Variants in KDM6A observed in about 807,000 individuals in gnomAD.
KDM6A encodes lysine demethylase 6A.
In KDM6A, 11 loss-of-function variants were observed where a neutral mutation model predicts 117.6. The ratio of observed to expected loss-of-function variants is 0.09; its 90% confidence interval spans 0.06 to 0.15. The LOEUF is 0.15. KDM6A is among the 10% of genes least tolerant of loss of function. KDM6A has a pLI of 1.00. For synonymous variants in KDM6A, 384 were observed against 396.1 expected (o/e 0.97, Z 0.36); for missense variants, 799 against 1,077.3 (o/e 0.74, Z 3.62).
intron 2 of KDM6A, among the ~76,000 whole-genome samples, chrX:44,954,070 AT>A (rs1421209243): frequency 8.5e-5 from 9 of 105,741 alleles, no homozygotes; most frequent in African/African-American, 2.0e-4. Flanking sequence ...AAAAAAAAAA[AT>A]AATAATAATA....
chrX:45,032,625 A>G (rs1285375255), intron 6 of KDM6A, among the ~76,000 whole-genome samples: 1 of 110,895 alleles, frequency 9.0e-6, no homozygotes, highest in Non-Finnish European at 1.9e-5. Context: ...TAATTTTTGT[A>G]TTTTTAGTAG....
chrX:45,111,922 T>C lies in KDM6A; in HGVS notation c.*511T>C, dbSNP rs11550306. 2 of 170,993 alleles carry C rather than the reference T, an allele frequency of 1.2e-5. No individual in the cohort carries two copies. The highest frequency in any genetic ancestry group is 2.2e-5 in the Non-Finnish European group (2 of 89,758). The allele number at this position is 170,993 out of a possible 1,213,427, so 14.1% of individuals were successfully genotyped here. A position where few individuals can be genotyped will look rare whatever the true frequency, so the allele number is the denominator to read the frequency against. Reference sequence around the variant, plus strand: ...GTTTTTCTGTCTTGTTTTGAGACCATGATGGTTACACTTTTGGTTCCTAAA... The same window carrying C: ...GTTTTTCTGTCTTGTTTTGAGACCACGATGGTTACACTTTTGGTTCCTAAA... On this transcript the variant is annotated 3_prime_UTR_variant, in exon 30 of 30. Transcript: ENST00000611820.
At chrX:45,013,605 T>A (rs2041852774) in intron 5 of KDM6A, among the ~76,000 whole-genome samples, 1 of 112,065 alleles carries the variant, frequency 8.9e-6, no homozygotes, top group Non-Finnish European at 1.9e-5. Flanking sequence ...ATAAGGACAA[T>A]GCAATGTCTA....
At chrX:45,020,479 A>G (rs1394349255) in intron 5 of KDM6A, 131 bp from the exon 6 acceptor site, 2 of 679,490 alleles carry the variant, frequency 2.9e-6, no homozygotes, top group Admixed American at 3.1e-5. Context: ...AGTATTTATT[A>G]ACATCATTTT....
intron 8 of KDM6A, 126 bp downstream of exon 8, chrX:45,037,815 A>G: frequency 1.9e-6 from 1 of 534,170 alleles, no homozygotes; most frequent in South Asian, 3.0e-5. Flanking sequence ...TCTTAGGTAA[A>G]TTTTGTATTT....
At chrX:45,072,171 G>A (rs1447078807) in intron 18 of KDM6A, among the ~76,000 whole-genome samples, 2 of 111,917 alleles carry the variant, frequency 1.8e-5, no homozygotes, top group Non-Finnish European at 3.8e-5. Flanking sequence ...TTCTGACATA[G>A]ACTAGGGCAG....
In KDM6A at chrX:45,038,439, C is replaced by T. The variant is rs2042908664; in HGVS notation, c.654+750C>T. ...ATTATTGGAAAGGCATCAAGAGTCA[C>T]CTCTTGATGTCCTTGCCATTAATTT... On this transcript the variant is annotated intron_variant, in intron 8 of 29. Transcript: ENST00000611820. Among the ~76,000 whole-genome samples, 3 of 110,936 alleles carry T rather than the reference C, an allele frequency of 2.7e-5. No homozygotes were observed. In the Admixed American group the frequency reaches 2.9e-4, roughly 11 times the overall value.
Position 45,042,267 on chromosome X carries a change from AGAG to A in KDM6A, c.654+4580_654+4582del, listed in dbSNP as rs2043288094. Among the ~76,000 whole-genome samples, 7 of 9,358 alleles carry A rather than the reference AGAG, an allele frequency of 7.5e-4. 1 individual carries two copies. Among genetic ancestry groups the A allele is most frequent in the Admixed American group, 1.5e-3 (1 of 669 alleles). The allele number at this position is 9,358 out of a possible 115,157, so 8.1% of individuals were successfully genotyped here. On this transcript the variant is annotated intron_variant, in intron 8 of 29. Transcript: ENST00000611820. ...GAAGGAGACCGTGGAGGGAGAGGGG[AGAG>A]GGGAGAGGGGAGAGGGGAGAGGGGA...
At chrX:45,010,415 A>G (rs1003448622) in intron 4 of KDM6A, among the ~76,000 whole-genome samples, 2 of 111,704 alleles carry the variant, frequency 1.8e-5, no homozygotes, top group African/African-American at 6.5e-5. Context: ...AAAGTTAGTC[A>G]GGATAAGTGT....
At chrX:44,886,549 G>A (rs767705914) in intron 2 of KDM6A, among the ~76,000 whole-genome samples, 2 of 105,832 alleles carry the variant, frequency 1.9e-5, no homozygotes, top group South Asian at 8.8e-4. Flanking sequence ...GAGTGCAGTG[G>A]CAGGATCTCG....
rs1388882603 is a variant in KDM6A at position 45,027,762 on chromosome X, A to G, written c.564+7032A>G. The stretch of plus-strand genomic sequence containing the variant: ...TCTTCATAGGAATTGGTTGGGATGT[A>G]AAAATGGTGAGGCCTAATCGTTGTT... On this transcript the variant is annotated intron_variant, in intron 6 of 29. Transcript: ENST00000611820. Among the ~76,000 whole-genome samples, 3 of 110,682 alleles carry G rather than the reference A, an allele frequency of 2.7e-5. No individual in the cohort carries two copies. The East Asian group carries it at 8.4e-4, about 31-fold the overall frequency.
chrX:45,057,235 A>C (rs887822527), intron 10 of KDM6A, among the ~76,000 whole-genome samples: 1 of 111,516 alleles, frequency 9.0e-6, no homozygotes, highest in East Asian at 2.8e-4. Context: ...TCCCATTTTA[A>C]TGTCCTCACA....
intron 2 of KDM6A, among the ~76,000 whole-genome samples, chrX:44,922,008 A>C: frequency 1.3e-5 from 1 of 75,113 alleles, no homozygotes; most frequent in Non-Finnish European, 2.6e-5. Context: ...GTGTATGCTG[A>C]TAAAATTCAT....
At chrX:44,987,962 T>G (rs960206893) in intron 4 of KDM6A, among the ~76,000 whole-genome samples, 1 of 111,422 alleles carries the variant, frequency 9.0e-6, no homozygotes, top group Non-Finnish European at 1.9e-5. Flanking sequence ...CCTGCCTTGC[T>G]AGATTGTGGA....
chrX:44,877,380 A>G (rs1345637136), intron 2 of KDM6A, among the ~76,000 whole-genome samples: 1 of 84,501 alleles, frequency 1.2e-5, no homozygotes, highest in Non-Finnish European at 2.0e-5. Flanking sequence ...GTGATCTTGA[A>G]CAGTGCTCTT....
chrX:45,010,843 T>C, intron 4 of KDM6A, 118 bp from the exon 5 acceptor site: 1 of 513,386 alleles, frequency 1.9e-6, no homozygotes, highest in South Asian at 3.0e-5. Context: ...AAATATATTG[T>C]AATGCATGAT....
At chrX:44,922,063 T>TTTTTTTTTTTTG (rs2035988093) in intron 2 of KDM6A, among the ~76,000 whole-genome samples, 1 of 75,030 alleles carries the variant, frequency 1.3e-5, no homozygotes, top group Admixed American at 1.5e-4. Flanking sequence ...TTTTTTTTTT[T>TTTTTTTTTTTTG]TAAGAGACAG....
At chrX:44,902,156 G>A (rs1212831724) in intron 2 of KDM6A, among the ~76,000 whole-genome samples, 2 of 110,782 alleles carry the variant, frequency 1.8e-5, no homozygotes, top group Non-Finnish European at 3.8e-5. Flanking sequence ...CTTGAACCTG[G>A]GAGGCGGAGG....
chrX:45,104,224 A>G (rs756575579), intron 27 of KDM6A, among the ~76,000 whole-genome samples: 1 of 111,518 alleles, frequency 9.0e-6, no homozygotes, highest in East Asian at 2.8e-4. Context: ...GGGTTTCTCC[A>G]TGTTGGTCAG....
Sources: allele counts gnomAD v4.1 joint callset (sites outside exome capture counted in the v4.1 genomes callset), GRCh38; gene constraint gnomAD v4.1.1; transcripts MANE v1.5; gene names NCBI Gene and HGNC (gene_info 2026-07-23, HGNC 2026-07-21).